TMEM178B: variants seen among roughly 807,000 people sequenced by gnomAD.
TMEM178B encodes the protein transmembrane protein 178B.
Under a neutral mutation model 31.0 loss-of-function variants are expected in TMEM178B, and 5 were observed. The observed-to-expected ratio is 0.16, with a 90% CI of 0.08 to 0.34. The LOEUF is 0.34. Among genes scored for constraint, TMEM178B ranks in the 10% least tolerant of loss-of-function variants. The pLI, the probability that TMEM178B is intolerant of heterozygous loss-of-function variation, is 1.00. For synonymous variants in TMEM178B, 164 were observed against 164.0 expected (o/e 1.00, Z 0.00); for missense variants, 275 against 400.3 (o/e 0.69, Z 2.67).
At chr7:141,333,305 A>T (rs1242488835) in intron 2 of TMEM178B, among the ~76,000 whole-genome samples, 1 of 152,196 alleles carries the variant, frequency 6.6e-6, no homozygotes, top group Non-Finnish European at 1.5e-5. Flanking sequence ...CCCCAGCATC[A>T]GCCCTTTGTC....
intron 1 of TMEM178B, among the ~76,000 whole-genome samples, chr7:141,114,939 G>A (rs2129175619): frequency 6.6e-6 from 1 of 152,230 alleles, no homozygotes; most frequent in South Asian, 2.1e-4. Context: ...ACTCAGCTTG[G>A]GTAGGTGTTA....
chr7:141,388,705 C>G (rs1307656717), intron 2 of TMEM178B, among the ~76,000 whole-genome samples: 1 of 152,190 alleles, frequency 6.6e-6, no homozygotes, highest in Admixed American at 6.5e-5. Flanking sequence ...GTGGTGAGCA[C>G]TGGCTTTCAC....
intron 2 of TMEM178B, among the ~76,000 whole-genome samples, chr7:141,263,487 T>C (rs1348612654): frequency 2.6e-5 from 4 of 152,148 alleles, no homozygotes; most frequent in African/African-American, 9.7e-5. Flanking sequence ...CTCTCCCATA[T>C]TGTACATGGA....
chr7:141,459,583 G>A (rs1802025998), intron 3 of TMEM178B, among the ~76,000 whole-genome samples: 1 of 152,150 alleles, frequency 6.6e-6, no homozygotes, highest in African/African-American at 2.4e-5. Context: ...AGGCATACTT[G>A]GGGAAGATGT....
At chr7:141,081,039 A>T (rs947484469) in intron 1 of TMEM178B, among the ~76,000 whole-genome samples, 7 of 152,218 alleles carry the variant, frequency 4.6e-5, no homozygotes, top group African/African-American at 1.7e-4. Flanking sequence ...TCATTGTTTT[A>T]GAGTGTACTC....
intron 2 of TMEM178B, among the ~76,000 whole-genome samples, chr7:141,235,837 G>A (rs1168830583): frequency 6.6e-6 from 1 of 152,230 alleles, no homozygotes; most frequent in Non-Finnish European, 1.5e-5. Flanking sequence ...TAAGATAGGT[G>A]TGGCCCTTGC....
At chr7:141,336,957 C>G (rs1799411131) in intron 2 of TMEM178B, among the ~76,000 whole-genome samples, 4 of 112,192 alleles carry the variant, frequency 3.6e-5, no homozygotes, top group East Asian at 2.7e-4. Flanking sequence ...ACCACCACCA[C>G]CATCACTACC....
At chr7:141,193,842 C>T (rs1213885609) in intron 1 of TMEM178B, among the ~76,000 whole-genome samples, 2 of 152,248 alleles carry the variant, frequency 1.3e-5, no homozygotes, top group East Asian at 3.8e-4. Flanking sequence ...CCTCAAAGTA[C>T]TTCTGTTTCC....
At chr7:141,465,909 G>A (rs1802141110) in intron 3 of TMEM178B, among the ~76,000 whole-genome samples, 1 of 151,872 alleles carries the variant, frequency 6.6e-6, no homozygotes, top group Non-Finnish European at 1.5e-5. Context: ...TGTAGTCCCA[G>A]CTACTAGGGA....
chr7:141,232,462 C>T (rs1797463388), intron 2 of TMEM178B, among the ~76,000 whole-genome samples: 1 of 152,072 alleles, frequency 6.6e-6, no homozygotes, highest in Non-Finnish European at 1.5e-5. Flanking sequence ...TGCAACCTTG[C>T]CAGCATCTGT....
chr7:141,188,382 A>G (rs965104215), intron 1 of TMEM178B, among the ~76,000 whole-genome samples: 1 of 152,226 alleles, frequency 6.6e-6, no homozygotes, highest in Admixed American at 6.5e-5. Context: ...GGAAGGCTCA[A>G]TGGTGAGTAT....
At chr7:141,167,712 C>A (rs1796284877) in intron 1 of TMEM178B, among the ~76,000 whole-genome samples, 1 of 152,174 alleles carries the variant, frequency 6.6e-6, no homozygotes, top group South Asian at 2.1e-4. Context: ...TAGGGCAGCT[C>A]TCTTCCTGAT....
rs527701782 is a variant in TMEM178B at position 141,171,732 on chromosome 7, G to T, written c.383-40859G>T. Among the ~76,000 whole-genome samples, 25 of 152,308 alleles carry T rather than the reference G, an allele frequency of 1.6e-4. No homozygotes were observed. Among genetic ancestry groups the T allele is most frequent in the South Asian group, 8.3e-4 (4 of 4,828 alleles). On this transcript the variant is annotated intron_variant, in intron 1 of 3. Transcript: ENST00000565468. The surrounding 1 kb of genome is among the most constrained non-coding windows in gnomAD (Gnocchi z 4.3). ...TAGACAGGGCAGGGGGTAGAGAGGCGACAGTTAAGCAAGGCAGTGTGAACA... is the reference window on the plus strand; with the variant it reads ...TAGACAGGGCAGGGGGTAGAGAGGCTACAGTTAAGCAAGGCAGTGTGAACA...
intron 2 of TMEM178B, among the ~76,000 whole-genome samples, chr7:141,332,834 A>G (rs1241536301): frequency 6.6e-6 from 1 of 152,240 alleles, no homozygotes; most frequent in Admixed American, 6.5e-5. Context: ...ATTAAATTCC[A>G]GACTCACCAG....
chr7:141,330,854 A>G (rs892918467), intron 2 of TMEM178B, among the ~76,000 whole-genome samples: 1 of 152,232 alleles, frequency 6.6e-6, no homozygotes, highest in African/African-American at 2.4e-5. Flanking sequence ...TAATCTAGGC[A>G]AGGGATGACG....
chr7:141,136,725 G>T (rs1478785285), intron 1 of TMEM178B, among the ~76,000 whole-genome samples: 1 of 152,146 alleles, frequency 6.6e-6, no homozygotes, highest in East Asian at 1.9e-4. Flanking sequence ...TGGGCAATCG[G>T]CACAGTGGCT....
intron 1 of TMEM178B, among the ~76,000 whole-genome samples, chr7:141,180,463 C>CAAAAAAAAAAAA (rs57969132): frequency 1.2e-5 from 1 of 83,280 alleles, no homozygotes; most frequent in Non-Finnish European, 2.3e-5. Context: ...GAGCCCATCT[C>CAAAAAAAAAAAA]AAAAAAAAAA....
chr7:141,346,198 G>A (rs1285895135), intron 2 of TMEM178B, among the ~76,000 whole-genome samples: 1 of 151,710 alleles, frequency 6.6e-6, no homozygotes, highest in African/African-American at 2.4e-5. Context: ...TCCAGCCTGG[G>A]CAACAGAGCG....
At chr7:141,242,064 A>G (rs1209872884) in intron 2 of TMEM178B, among the ~76,000 whole-genome samples, 1 of 152,220 alleles carries the variant, frequency 6.6e-6, no homozygotes, top group Non-Finnish European at 1.5e-5. Flanking sequence ...TATTCCAGAC[A>G]TATTTAAAAG....
Sources: allele counts gnomAD v4.1 joint callset (sites outside exome capture counted in the v4.1 genomes callset), GRCh38; gene constraint gnomAD v4.1.1; non-coding constraint Gnocchi (gnomAD v3.1); transcripts MANE v1.5; gene names NCBI Gene and HGNC (gene_info 2026-07-23, HGNC 2026-07-21).